The following ZFAT variants were observed in gnomAD, a reference collection of about 807,000 sequenced individuals.
ZFAT encodes the protein zinc finger and AT-hook domain containing.
Under a neutral mutation model 117.7 loss-of-function variants are expected in ZFAT, and 64 were observed. The ratio of observed to expected loss-of-function variants is 0.54; its 90% confidence interval spans 0.44 to 0.67. The LOEUF is 0.67. ZFAT is among the 30% of genes least tolerant of loss of function. The pLI is 0.00. For synonymous variants in ZFAT, 679 were observed against 615.0 expected, an observed-to-expected ratio of 1.10 and a Z score of -1.54; for missense variants, 1,433 against 1,584.5, an observed-to-expected ratio of 0.90 and a Z score of 1.62.
the ZFAT span, among the ~76,000 whole-genome samples, chr8:134,752,380 G>A: frequency 1.3e-5 from 2 of 152,086 alleles, no homozygotes; most frequent in Non-Finnish European, 2.9e-5. Context: ...TGGCACCCCC[G>A]CCCTTGAGCC....
At chr8:134,502,277 G>A (rs768622559) in intron 15 of ZFAT, among the ~76,000 whole-genome samples, 9 of 152,174 alleles carry the variant, frequency 5.9e-5, no homozygotes, top group East Asian at 1.9e-4. Flanking sequence ...TCTGCAGAGC[G>A]GCTTCTCCCT....
chr8:134,557,748 G>A (rs1446234836), intron 11 of ZFAT, among the ~76,000 whole-genome samples: 2 of 152,164 alleles, frequency 1.3e-5, no homozygotes. Flanking sequence ...ATACTCTTAA[G>A]TTAAAAGATG....
At chr8:134,597,743 G>A (rs950970234) in intron 7 of ZFAT, 1 of 152,078 alleles carries the variant, frequency 6.6e-6, no homozygotes. Flanking sequence ...TGGAAGCAGC[G>A]GCAACACATT....
chr8:134,639,522 G>T (rs1411958620), intron 2 of ZFAT, among the ~76,000 whole-genome samples: 1 of 152,158 alleles, frequency 6.6e-6, no homozygotes, highest in Admixed American at 6.5e-5. Context: ...TAAAACAAGG[G>T]ACAGAAGGCC....
chr8:134,760,567 G>T, the ZFAT span, among the ~76,000 whole-genome samples: 1 of 152,190 alleles, frequency 6.6e-6, no homozygotes, highest in African/African-American at 2.4e-5. Context: ...AGGAGTGGCG[G>T]GTGAGTGGGG....
At chr8:134,822,565 A>C in the ZFAT span, among the ~76,000 whole-genome samples, 2 of 152,158 alleles carry the variant, frequency 1.3e-5, no homozygotes, top group South Asian at 4.1e-4. Flanking sequence ...AAATTTTTTA[A>C]GTTACCCAAG....
At chr8:134,655,992 G>A (rs1027592154) in intron 2 of ZFAT, among the ~76,000 whole-genome samples, 14 of 152,172 alleles carry the variant, frequency 9.2e-5, no homozygotes, top group African/African-American at 3.4e-4. Flanking sequence ...AGGCGGAGGT[G>A]ACTAAACACA....
At chr8:134,492,284 T>C (rs1185736920) in intron 15 of ZFAT, among the ~76,000 whole-genome samples, 1 of 152,318 alleles carries the variant, frequency 6.6e-6, no homozygotes, top group Non-Finnish European at 1.5e-5. Context: ...TCTGATTCAC[T>C]CATGTCTTGT....
the ZFAT span, among the ~76,000 whole-genome samples, chr8:134,798,755 C>T: frequency 6.6e-6 from 1 of 152,010 alleles, no homozygotes; most frequent in Admixed American, 6.6e-5. Context: ...GAATTAAACA[C>T]TAGAATTAGG....
At chr8:134,783,142 G>GT in the ZFAT span, among the ~76,000 whole-genome samples, 247 of 152,214 alleles carry the variant, frequency 1.6e-3, no homozygotes, top group Non-Finnish European at 2.8e-3. Context: ...CCAGTTAAAA[G>GT]TTTGAGATTT....
At chr8:134,576,220 T>C (rs1459163864) in intron 10 of ZFAT, among the ~76,000 whole-genome samples, 2 of 152,240 alleles carry the variant, frequency 1.3e-5, no homozygotes, top group African/African-American at 4.8e-5. Flanking sequence ...CTCAGTAAGC[T>C]GCGTAGTTCA....
chr8:134,760,522 A>G, the ZFAT span, among the ~76,000 whole-genome samples: 2 of 152,146 alleles, frequency 1.3e-5, no homozygotes, highest in Non-Finnish European at 2.9e-5. Context: ...ACTAGATAAA[A>G]TTGTCAGTCC....
At chr8:134,619,531 A>G (rs1407633797) in intron 3 of ZFAT, among the ~76,000 whole-genome samples, 2 of 152,136 alleles carry the variant, frequency 1.3e-5, no homozygotes, top group Non-Finnish European at 2.9e-5. Flanking sequence ...CTATTTGTTT[A>G]CTTATTTCTT....
At chr8:134,666,008 G>A (rs1241407325) in intron 1 of ZFAT, among the ~76,000 whole-genome samples, 1 of 152,140 alleles carries the variant, frequency 6.6e-6, no homozygotes, top group South Asian at 2.1e-4. Flanking sequence ...ATTCCCAGCT[G>A]GGCTAGTGTC....
intron 11 of ZFAT, among the ~76,000 whole-genome samples, chr8:134,546,034 G>A (rs1563831953): frequency 6.6e-6 from 1 of 152,202 alleles, no homozygotes; most frequent in Non-Finnish European, 1.5e-5. Context: ...TACATAGCAT[G>A]CAACTGGTAG....
At chr8:134,751,976 T>C in the ZFAT span, among the ~76,000 whole-genome samples, 1 of 152,228 alleles carries the variant, frequency 6.6e-6, no homozygotes, top group Non-Finnish European at 1.5e-5. Flanking sequence ...ACATGTTTGT[T>C]GAATTCTTGA....
At chr8:134,624,160 G>T (rs576594591) in intron 3 of ZFAT, among the ~76,000 whole-genome samples, 13 of 147,734 alleles carry the variant, frequency 8.8e-5, no homozygotes, top group African/African-American at 3.3e-4. Context: ...AGCCCCTAAC[G>T]TGCAGGCACA....
intron 1 of ZFAT, among the ~76,000 whole-genome samples, chr8:134,687,781 C>T (rs79428769): frequency 0.017 from 2,622 of 152,318 alleles, 76 homozygotes; most frequent in African/African-American, 0.06. Flanking sequence ...AAATCCTCTC[C>T]CATTTTCTAG....
the ZFAT span, among the ~76,000 whole-genome samples, chr8:134,816,090 C>T: frequency 2.0e-5 from 3 of 152,136 alleles, no homozygotes; most frequent in Admixed American, 6.5e-5. Context: ...AAGGGAGCTG[C>T]ATCTATTTAG....
Sources: gnomAD v4.1 joint callset for allele counts (sites outside exome capture counted in the v4.1 genomes callset) on GRCh38, gnomAD v4.1.1 for gene constraint, MANE v1.5 for transcripts, NCBI Gene and HGNC (gene_info 2026-07-23, HGNC 2026-07-21) for gene names.